METTL9: variants seen among roughly 807,000 people sequenced by gnomAD.
METTL9 encodes the protein methyltransferase 9, His-X-His N1(pi)-histidine.
METTL9 carries 10 observed loss-of-function variants against 36.0 expected under a neutral mutation model. The observed-to-expected ratio is 0.28, with a 90% confidence interval of 0.17 to 0.47. The LOEUF (loss-of-function observed/expected upper bound fraction) is 0.47. Among genes scored for constraint, METTL9 ranks in the 20% least tolerant of loss-of-function variants. The pLI is 0.99. For synonymous variants in METTL9, 175 were observed against 149.7 expected (o/e 1.17, Z -1.23); for missense variants, 246 against 383.5 (o/e 0.64, Z 3.00).
intron 1 of METTL9, 136 bp downstream of exon 1, chr16:21,600,034 T>G: frequency 1.3e-6 from 1 of 791,424 alleles, no homozygotes. Flanking sequence ...TTGGAAAGTT[T>G]TCCCCGCGCC....
intron 4 of METTL9, among the ~76,000 whole-genome samples, chr16:21,651,576 C>T (rs1966576936): frequency 6.6e-6 from 1 of 152,024 alleles, no homozygotes; most frequent in African/African-American, 2.4e-5. Context: ...GCTGGGATTA[C>T]AGGCATGAAC....
At position 21,622,141 on chromosome 16, in the gene METTL9, CTTTT is replaced by C. The variant is rs541282506; in HGVS notation, c.567-2772_567-2769del. 6.9e-4 allele frequency among the ~76,000 whole-genome samples: 24 copies of C among 34,924 alleles called. 1 individual carries two copies. The highest frequency in any genetic ancestry group is 1.4e-3 in the Admixed American group (3 of 2,176). The allele number at this position is 34,924 out of a possible 152,430, so 22.9% of individuals were successfully genotyped here. On this transcript the variant is annotated intron_variant, in intron 3 of 4. Transcript: ENST00000358154. The stretch of plus-strand genomic sequence containing the variant: ...ATAGGTGTGAGCCACCATGCCTGGC[CTTTT>C]TTTTTTTTTTTTTTTTTGAGACAGG...
rs181367057 is a variant in METTL9, at chr16:21,607,342, G to A, written c.166-5303G>A. The stretch of plus-strand genomic sequence containing the variant: ...TGCCCACCTGGGCCTCCAAATTGCT[G>A]GGATTACAGGTGTGAGCCATCGTAG... On this transcript the variant is annotated intron_variant, in intron 1 of 4. Transcript: ENST00000358154. 2.4e-3 allele frequency among the ~76,000 whole-genome samples: 369 copies of A among 152,280 alleles called. 2 individuals are homozygous for A. The highest frequency in any genetic ancestry group is 8.5e-3 in the African/African-American group (353 of 41,566).
chr16:21,637,106 T>C (rs1028809525), intron 4 of METTL9, among the ~76,000 whole-genome samples: 4 of 152,076 alleles, frequency 2.6e-5, no homozygotes, highest in East Asian at 1.9e-4. Flanking sequence ...GCTTCCACAG[T>C]ATGGAAGGGG....
rs148324891 is a variant in METTL9, at chr16:21,655,534, G to A, written c.*102G>A. ...CGTGAAGGGAGGACCCTTGGGGACC[G>A]CCATTCTAAATATCATGTAGGAATT... On this transcript the variant is annotated 3_prime_UTR_variant, in exon 5 of 5. Coordinates refer to ENST00000358154, the MANE Select transcript of METTL9 (RefSeq NM_016025.5). 1.5e-4 allele frequency: 147 copies of A among 959,110 alleles called. 3 individuals carry two copies. In the East Asian group the frequency reaches 3.4e-3, roughly 22 times the overall value. The allele number at this position is 959,110 out of a possible 1,614,324, so 59.4% of individuals were successfully genotyped here. A position where few individuals can be genotyped will look rare whatever the true frequency, so the allele number is the denominator to read the frequency against.
In METTL9 at chr16:21,642,134, CA is replaced by C. The variant is rs759756217; in HGVS notation, c.752-13091del. On this transcript the variant is annotated intron_variant, in intron 4 of 4. Transcript: ENST00000358154. The stretch of plus-strand genomic sequence containing the variant: ...ATGGCCCCTGGGCAAGGATGACACA[CA>C]AGTTCGTGAAGCGTTCCATATTTTT... 6.6e-5 allele frequency: 10 copies of C among 152,260 alleles called. No individual in the cohort carries two copies. In the South Asian group the frequency reaches 1.0e-3, roughly 16 times the overall value. The allele number at this position is 152,260 out of a possible 1,614,324, so 9.4% of individuals were successfully genotyped here.
At chr16:21,601,772 C>T (rs1370999802) in intron 1 of METTL9, among the ~76,000 whole-genome samples, 1 of 71,746 alleles carries the variant, frequency 1.4e-5, no homozygotes, top group African/African-American at 9.0e-5. Flanking sequence ...TACCCCTTCA[C>T]TAACAATTCA....
At chr16:21,633,679 AG>A (rs1289800052) in intron 4 of METTL9, among the ~76,000 whole-genome samples, 1 of 152,182 alleles carries the variant, frequency 6.6e-6, no homozygotes, top group African/African-American at 2.4e-5. Context: ...GATGAGTCTA[AG>A]ATCTTGCACT....
At chr16:21,612,526 T>A in intron 1 of METTL9, 119 bp from the exon 2 acceptor site, 1 of 882,060 alleles carries the variant, frequency 1.1e-6, no homozygotes, top group Admixed American at 3.6e-5. Flanking sequence ...TATCATGAGA[T>A]GGTAATATTT....
At chr16:21,606,336 CAAAAT>C (rs1043421285) in intron 1 of METTL9, among the ~76,000 whole-genome samples, 4 of 151,866 alleles carry the variant, frequency 2.6e-5, no homozygotes, top group African/African-American at 7.2e-5. Flanking sequence ...GACTCCGTCT[CAAAAT>C]AATAATAATA....
chr16:21,617,461 C>T (rs1478701373), intron 2 of METTL9, among the ~76,000 whole-genome samples: 1 of 149,822 alleles, frequency 6.7e-6, no homozygotes, highest in Non-Finnish European at 1.5e-5. Flanking sequence ...GGCGCAGTGG[C>T]CCATGCCTGT....
At chr16:21,625,137 A>G (rs1965790134) in intron 4 of METTL9, 22 bp downstream of exon 4, 2 of 1,611,272 alleles carry the variant, frequency 1.2e-6, no homozygotes, top group Non-Finnish European at 8.5e-7. Context: ...CAGTCAGGCT[A>G]GCTCTTACTG....
In METTL9 at chr16:21,600,408, A is replaced by G. The variant is rs370262660; in HGVS notation, c.165+510A>G. ...GTAACTGTACATCGCAAGCCATTGA[A>G]CTCTCCAGGCTGATTGGGGTGACAT... On this transcript the variant is annotated intron_variant, in intron 1 of 4. Coordinates refer to ENST00000358154, the MANE Select transcript of METTL9 (RefSeq NM_016025.5). 9.2e-5 allele frequency among the ~76,000 whole-genome samples: 14 copies of G among 152,174 alleles called. No homozygotes were observed. The East Asian group carries it at 1.7e-3, about 19-fold the overall frequency.
At chr16:21,638,100 C>G (rs891956910) in intron 4 of METTL9, among the ~76,000 whole-genome samples, 2 of 152,132 alleles carry the variant, frequency 1.3e-5, no homozygotes, top group African/African-American at 4.8e-5. Flanking sequence ...GGCAGATCAC[C>G]TGAGGTCAGG....
At chr16:21,625,614 G>A (rs1401519246) in intron 4 of METTL9, among the ~76,000 whole-genome samples, 1 of 151,930 alleles carries the variant, frequency 6.6e-6, no homozygotes, top group Non-Finnish European at 1.5e-5. Context: ...ATTTCTTTCT[G>A]TAACATTTGA....
At chr16:21,651,386 C>G (rs1415095035) in intron 4 of METTL9, among the ~76,000 whole-genome samples, 1 of 152,138 alleles carries the variant, frequency 6.6e-6, no homozygotes, top group Non-Finnish European at 1.5e-5. Flanking sequence ...CCTGAAAGTC[C>G]TGGGCTCAAG....
Position 21,631,835 on chromosome 16 carries a change from A to G in METTL9, c.751+6720A>G, listed in dbSNP as rs758677848. 1.1e-4 allele frequency among the ~76,000 whole-genome samples: 16 copies of G among 152,332 alleles called. No homozygotes were observed. The South Asian group carries it at 1.2e-3, about 12-fold the overall frequency. On this transcript the variant is annotated intron_variant, in intron 4 of 4. Transcript: ENST00000358154. ...CAGAGAAGACCTTCAATTATCAATT[A>G]TAGGTTTTAACTTTACCCTGGCTTT...
At chr16:21,628,758 C>T (rs891890366) in intron 4 of METTL9, among the ~76,000 whole-genome samples, 1 of 151,840 alleles carries the variant, frequency 6.6e-6, no homozygotes, top group South Asian at 2.1e-4. Flanking sequence ...CGCCTCCCAG[C>T]GTGTTGGGAT....
chr16:21,607,335 A>G (rs953008822), intron 1 of METTL9, among the ~76,000 whole-genome samples: 2 of 152,184 alleles, frequency 1.3e-5, no homozygotes, highest in African/African-American at 2.4e-5. Flanking sequence ...TGGGCCTCCA[A>G]ATTGCTGGGA....
Sources: gnomAD v4.1 joint callset for allele counts (sites outside exome capture counted in the v4.1 genomes callset) on GRCh38, gnomAD v4.1.1 for gene constraint, MANE v1.5 for transcripts, NCBI Gene and HGNC (gene_info 2026-07-23, HGNC 2026-07-21) for gene names.